ESRRB: variants seen among roughly 807,000 people sequenced by gnomAD.
ESRRB encodes the protein estrogen related receptor beta.
ESRRB carries 16 observed loss-of-function variants against 46.0 expected under a neutral mutation model. The ratio of observed to expected loss-of-function variants is 0.35; its 90% CI spans 0.24 to 0.53. ESRRB has a LOEUF of 0.53. ESRRB is among the 20% of genes least tolerant of loss of function. ESRRB has a pLI of 0.93. For synonymous variants in ESRRB, 246 were observed against 259.6 expected, an observed-to-expected ratio of 0.95 and a Z score of 0.50; for missense variants, 488 against 607.4, an observed-to-expected ratio of 0.80 and a Z score of 2.07.
At chr14:76,453,276 C>T (rs573875612) in intron 2 of ESRRB, among the ~76,000 whole-genome samples, 1 of 152,334 alleles carries the variant, frequency 6.6e-6, no homozygotes, top group Non-Finnish European at 1.5e-5. Flanking sequence ...CTCCAAGTAA[C>T]ATCTCTGAAT....
chr14:76,396,451 CT>C (rs1885685817), intron 1 of ESRRB, among the ~76,000 whole-genome samples: 1 of 152,090 alleles, frequency 6.6e-6, no homozygotes, highest in Admixed American at 6.5e-5. Context: ...AGATTTTTAC[CT>C]TTAACTTTGA....
chr14:76,388,822 C>T (rs565368160), intron 1 of ESRRB, among the ~76,000 whole-genome samples: 90 of 152,024 alleles, frequency 5.9e-4, no homozygotes, highest in Non-Finnish European at 7.5e-4. Context: ...TTGAAGCCGA[C>T]TTCCCTCTTC....
At chr14:76,433,071 C>T (rs910540967) in intron 1 of ESRRB, among the ~76,000 whole-genome samples, 22 of 152,166 alleles carry the variant, frequency 1.4e-4, no homozygotes, top group African/African-American at 5.3e-4. Context: ...GAATCAACAC[C>T]CTTAAGAATC....
chr14:76,337,345 T>G (rs7157009), intron 1 of ESRRB, among the ~76,000 whole-genome samples: 16,934 of 152,102 alleles, frequency 0.11, 1,155 homozygotes, highest in African/African-American at 0.18. Flanking sequence ...GCCGTGGGTG[T>G]TGCAGGATGC....
chr14:76,432,785 CCTG>C (rs1395519451), intron 1 of ESRRB, among the ~76,000 whole-genome samples: 1 of 127,626 alleles, frequency 7.8e-6, no homozygotes, highest in Non-Finnish European at 1.6e-5. Context: ...AAGTGATTCT[CCTG>C]CTTCAGCCTC....
chr14:76,464,793 C>A (rs1356901769), intron 3 of ESRRB, among the ~76,000 whole-genome samples: 2 of 152,138 alleles, frequency 1.3e-5, no homozygotes, highest in Admixed American at 1.3e-4. Flanking sequence ...CTATGTTGGG[C>A]CCTTTCTGCT....
At chr14:76,337,313 A>G (rs904304254) in intron 1 of ESRRB, among the ~76,000 whole-genome samples, 4 of 152,176 alleles carry the variant, frequency 2.6e-5, no homozygotes, top group East Asian at 3.8e-4. Flanking sequence ...TGGCAGAGGT[A>G]GAGGACTTTC....
intron 1 of ESRRB, among the ~76,000 whole-genome samples, chr14:76,410,479 C>T (rs574378723): frequency 7.9e-5 from 12 of 152,234 alleles, no homozygotes; most frequent in African/African-American, 2.9e-4. Context: ...ACAATATTTT[C>T]AAAAATTGTC....
chr14:76,337,849 C>T (rs538762543), intron 1 of ESRRB, among the ~76,000 whole-genome samples: 1 of 152,350 alleles, frequency 6.6e-6, no homozygotes, highest in Admixed American at 6.5e-5. Flanking sequence ...GAGTCCCTGA[C>T]ACGGTGTAGG....
At position 76,333,025 on chromosome 14, in the gene ESRRB, T is replaced by TATTTAC. The variant is rs1435724437; in HGVS notation, c.2+22112_2+22113insTACATT. Reference sequence around the variant, plus strand: ...ATATATTATATATTTATATATTATATATTATATATATTATATATTATATAT... The same window carrying TATTTAC: ...ATATATTATATATTTATATATTATATATTTACATTATATATATTATATATTATATAT... On this transcript the variant is annotated intron_variant, in intron 1 of 6. Transcript: ENST00000512784. Among the ~76,000 whole-genome samples the TATTTAC allele has an allele frequency of 8.7e-4, 11 of 12,654 alleles. 1 individual carries two copies. Among genetic ancestry groups the TATTTAC allele is most frequent in the Admixed American group, 2.0e-3 (1 of 492 alleles). The allele number at this position is 12,654 out of a possible 152,430, so 8.3% of individuals were successfully genotyped here.
chr14:76,451,799 T>C (rs1374071842), intron 2 of ESRRB, among the ~76,000 whole-genome samples: 1 of 150,166 alleles, frequency 6.7e-6, no homozygotes, highest in Non-Finnish European at 1.5e-5. Context: ...ATTTTTTTTT[T>C]TTTTTTTTTT....
chr14:76,449,667 T>A (rs978606976), intron 2 of ESRRB, among the ~76,000 whole-genome samples: 7 of 152,156 alleles, frequency 4.6e-5, no homozygotes, highest in Non-Finnish European at 1.0e-4. Flanking sequence ...TTTTAGATTG[T>A]TGTTCAGTAC....
intron 1 of ESRRB, among the ~76,000 whole-genome samples, chr14:76,352,969 G>C (rs898858175): frequency 1.3e-5 from 2 of 152,344 alleles, no homozygotes; most frequent in East Asian, 3.9e-4. Context: ...ACACGGCCCC[G>C]AATCGCCGCG....
intron 1 of ESRRB, among the ~76,000 whole-genome samples, chr14:76,353,168 G>A (rs1480177997): frequency 6.6e-6 from 1 of 152,240 alleles, no homozygotes; most frequent in Non-Finnish European, 1.5e-5. Context: ...AGTTGAAACA[G>A]CCCCTGGATA....
chr14:76,341,111 A>G (rs1257230881), intron 1 of ESRRB, among the ~76,000 whole-genome samples: 7 of 152,024 alleles, frequency 4.6e-5, no homozygotes, highest in African/African-American at 1.7e-4. Context: ...GCCTCCTGCA[A>G]ATGGGATTTT....
chr14:76,423,664 G>A (rs1250839167), intron 1 of ESRRB, among the ~76,000 whole-genome samples: 1 of 152,084 alleles, frequency 6.6e-6, no homozygotes, highest in Admixed American at 6.6e-5. Flanking sequence ...AAACTGTAAT[G>A]GTTGTTTGAC....
chr14:76,443,143 C>T (rs1887990720), intron 2 of ESRRB, among the ~76,000 whole-genome samples: 1 of 151,804 alleles, frequency 6.6e-6, no homozygotes, highest in Admixed American at 6.6e-5. Context: ...TTAAATGAGC[C>T]CTTTTAAAAA....
intron 1 of ESRRB, among the ~76,000 whole-genome samples, chr14:76,327,967 G>T (rs561101380): frequency 6.6e-6 from 1 of 152,070 alleles, no homozygotes; most frequent in East Asian, 1.9e-4. Flanking sequence ...ACCCACCTCG[G>T]CCTCCCAAAG....
chr14:76,344,184 T>G (rs1179151087), intron 1 of ESRRB, among the ~76,000 whole-genome samples: 1 of 152,274 alleles, frequency 6.6e-6, no homozygotes, highest in Non-Finnish European at 1.5e-5. Context: ...AATTTAATTC[T>G]GTAAAAGACT....
Sources: allele counts gnomAD v4.1 joint callset (sites outside exome capture counted in the v4.1 genomes callset), GRCh38; gene constraint gnomAD v4.1.1; transcripts MANE v1.5; gene names NCBI Gene and HGNC (gene_info 2026-07-23, HGNC 2026-07-21).